The following PTPRB variants were observed in gnomAD, a reference collection of about 807,000 sequenced individuals.
PTPRB encodes the protein protein tyrosine phosphatase receptor type B.
Under a neutral mutation model 238.1 loss-of-function variants are expected in PTPRB, and 97 were observed. The observed-to-expected ratio is 0.41, with a 90% CI of 0.35 to 0.48. The LOEUF (loss-of-function observed/expected upper bound fraction) is 0.48, where lower values mean the gene tolerates loss of function less well. Among genes scored for constraint, PTPRB ranks in the 20% least tolerant of loss-of-function variants. PTPRB has a pLI of 0.30. For synonymous variants in PTPRB, 970 were observed against 995.4 expected (o/e 0.97, Z 0.48); for missense variants, 2,292 against 2,681.9 (o/e 0.85, Z 3.21).
intron 3 of PTPRB, among the ~76,000 whole-genome samples, chr12:70,616,560 A>G (rs1377965428): frequency 6.6e-6 from 1 of 152,222 alleles, no homozygotes; most frequent in Non-Finnish European, 1.5e-5. Context: ...ATCCTGATAT[A>G]GGTCTGAGGT....
chr12:70,529,567 G>C (rs1872868832), intron 32 of PTPRB, among the ~76,000 whole-genome samples: 1 of 152,134 alleles, frequency 6.6e-6, no homozygotes, highest in African/African-American at 2.4e-5. Flanking sequence ...TGAGGATATA[G>C]AAGAGGAGGA....
intron 3 of PTPRB, 23 bp from the exon 4 acceptor site, chr12:70,609,362 A>C (rs780070442): frequency 6.2e-7 from 1 of 1,609,714 alleles, no homozygotes. Context: ...CAGACACAAC[A>C]GTTTAAGTCC....
At chr12:70,636,181 G>T in intron 1 of PTPRB, 115 bp from the exon 2 acceptor site, 2 of 1,067,050 alleles carry the variant, frequency 1.9e-6, no homozygotes, top group South Asian at 2.4e-5. Flanking sequence ...CTTATATTTT[G>T]TTATTTCTAT....
At chr12:70,547,627 C>T (rs1307724870) in intron 21 of PTPRB, among the ~76,000 whole-genome samples, 1 of 151,476 alleles carries the variant, frequency 6.6e-6, no homozygotes, top group Non-Finnish European at 1.5e-5. Flanking sequence ...CAACCCCAGC[C>T]TCCTGAGTAG....
At chr12:70,588,112 A>AAAGAAAAG (rs1485182342) in intron 8 of PTPRB, among the ~76,000 whole-genome samples, 13 of 148,704 alleles carry the variant, frequency 8.7e-5, no homozygotes, top group African/African-American at 3.3e-4. Flanking sequence ...AAAAAAAAAA[A>AAAGAAAAG]AGAAAAGAAA....
chr12:70,536,187 C>T (rs1240661776), intron 28 of PTPRB, 28 bp from the exon 29 acceptor site: 2 of 1,604,320 alleles, frequency 1.2e-6, no homozygotes, highest in Non-Finnish European at 1.7e-6. Flanking sequence ...TATGGAGAGT[C>T]AGAAACAATG....
intron 27 of PTPRB, 85 bp from the exon 28 acceptor site, chr12:70,538,316 C>T (rs1341649526): frequency 1.9e-6 from 2 of 1,060,372 alleles, no homozygotes; most frequent in Non-Finnish European, 2.8e-6. Context: ...GCTCTGATCC[C>T]CACAACAGCC....
intron 15 of PTPRB, among the ~76,000 whole-genome samples, chr12:70,563,930 C>T (rs1373880239): frequency 6.6e-6 from 1 of 152,166 alleles, no homozygotes; most frequent in Non-Finnish European, 1.5e-5. Flanking sequence ...AGGGCCCCTG[C>T]ATTCATTCAG....
intron 10 of PTPRB, among the ~76,000 whole-genome samples, 174 bp from the exon 11 acceptor site, chr12:70,576,819 C>A (rs897200292): frequency 2.6e-5 from 4 of 151,996 alleles, no homozygotes; most frequent in African/African-American, 9.7e-5. Context: ...ACTCAGCTTC[C>A]AGAAGCTGAG....
chr12:70,631,133 C>A (rs1333110670), intron 2 of PTPRB, among the ~76,000 whole-genome samples: 1 of 152,090 alleles, frequency 6.6e-6, no homozygotes, highest in Non-Finnish European at 1.5e-5. Context: ...CAATCCTAAG[C>A]AAAAAGAACA....
At chr12:70,590,848 C>T (rs1187581057) in intron 7 of PTPRB, among the ~76,000 whole-genome samples, 1 of 151,778 alleles carries the variant, frequency 6.6e-6, no homozygotes, top group Non-Finnish European at 1.5e-5. Context: ...ATTTTGTCCC[C>T]TCCACCCCAA....
intron 4 of PTPRB, among the ~76,000 whole-genome samples, chr12:70,606,981 T>C (rs1884000879): frequency 6.6e-6 from 1 of 152,230 alleles, no homozygotes; most frequent in Admixed American, 6.5e-5. Flanking sequence ...AAAGTGTGTC[T>C]CTTTAAGAAA....
chr12:70,542,187 C>A, intron 22 of PTPRB: 1 of 152,286 alleles, frequency 6.6e-6, no homozygotes. Context: ...TTGCATTTCC[C>A]TAATGATTCA....
intron 29 of PTPRB, among the ~76,000 whole-genome samples, chr12:70,535,336 A>G (rs1469158154): frequency 6.7e-6 from 1 of 149,966 alleles, no homozygotes; most frequent in Non-Finnish European, 1.5e-5. Context: ...CTAGTTGGGT[A>G]GAGGAAGGCA....
chr12:70,536,797 G>A (rs541958617), intron 28 of PTPRB, among the ~76,000 whole-genome samples: 17 of 152,012 alleles, frequency 1.1e-4, no homozygotes, highest in Admixed American at 5.9e-4. Context: ...CGCCACCCCC[G>A]CCCACCCAAA....
At chr12:70,530,489 TACAC>T (rs67270508) in intron 32 of PTPRB, among the ~76,000 whole-genome samples, 55,774 of 149,644 alleles carry the variant, frequency 0.37, 10,854 homozygotes, top group East Asian at 0.53. Context: ...TGACATGTAT[TACAC>T]ACATACATAT....
intron 13 of PTPRB, 96 bp from the exon 14 acceptor site, chr12:70,570,034 A>G: frequency 9.0e-7 from 1 of 1,116,314 alleles, no homozygotes. Flanking sequence ...TTTGGCACCC[A>G]CTGAGAGAAC....
intron 3 of PTPRB, among the ~76,000 whole-genome samples, chr12:70,610,626 AC>A (rs1185542252): frequency 6.6e-6 from 1 of 151,798 alleles, no homozygotes; most frequent in Non-Finnish European, 1.5e-5. Flanking sequence ...AGAGAAAAAG[AC>A]CCCAAAAGGA....
At chr12:70,609,771 C>A in intron 3 of PTPRB, 1 of 1,585,048 alleles carries the variant, frequency 6.3e-7, no homozygotes, top group East Asian at 2.3e-5. Flanking sequence ...CTGCAGCAGG[C>A]TCAGTGTGAT....
Sources: allele counts gnomAD v4.1 joint callset (sites outside exome capture counted in the v4.1 genomes callset), GRCh38; gene constraint gnomAD v4.1.1; transcripts MANE v1.5; gene names NCBI Gene and HGNC (gene_info 2026-07-23, HGNC 2026-07-21).